The following SPAG16 variants were observed in gnomAD, a reference collection of about 807,000 sequenced individuals.
The protein encoded by SPAG16 is sperm-associated antigen 16 protein.
A neutral mutation model predicts 80.4 loss-of-function variants in SPAG16; 86 were observed. The ratio of observed to expected loss-of-function variants is 1.07; its 90% CI spans 0.90 to 1.28. The LOEUF (loss-of-function observed/expected upper bound fraction) is 1.28. Among genes scored for constraint, SPAG16 ranks in the 50% most tolerant of loss-of-function variants. The probability of loss-of-function intolerance (pLI) is 0.00; values close to 1 mark genes in which losing one functional copy is unlikely to be tolerated. For missense variants in SPAG16, 870 were observed against 765.3 expected (o/e 1.14, Z -1.61); for synonymous variants, 294 against 265.9 (o/e 1.11, Z -1.03).
At chr2:213,520,207 A>G (rs1034679125) in intron 10 of SPAG16, among the ~76,000 whole-genome samples, 46 of 152,244 alleles carry the variant, frequency 3.0e-4, no homozygotes, top group African/African-American at 1.1e-3. Context: ...GGAGAAAGTC[A>G]TGGGATGGTT....
intron 15 of SPAG16, among the ~76,000 whole-genome samples, chr2:214,291,034 G>T (rs1464459036): frequency 6.6e-6 from 1 of 152,034 alleles, no homozygotes. Flanking sequence ...ATGAATTTGG[G>T]TGATTTAGTG....
chr2:214,371,523 A>G (rs2126088788), intron 15 of SPAG16, among the ~76,000 whole-genome samples: 1 of 138,090 alleles, frequency 7.2e-6, no homozygotes, highest in South Asian at 2.2e-4. Flanking sequence ...TAAGAGCACA[A>G]ATCCTTCTCA....
intron 4 of SPAG16, 42 bp from the exon 5 acceptor site, chr2:213,317,177 A>T (rs780893797): frequency 7.5e-7 from 1 of 1,334,588 alleles, no homozygotes; most frequent in South Asian, 1.6e-5. Flanking sequence ...CCAATTTGGC[A>T]GAAAGAAATG....
At chr2:214,355,319 T>C (rs1698703756) in intron 15 of SPAG16, among the ~76,000 whole-genome samples, 1 of 15,536 alleles carries the variant, frequency 6.4e-5, no homozygotes, top group African/African-American at 1.4e-4. Context: ...TCAAACAAAT[T>C]TACAAGAAAA....
intron 12 of SPAG16, among the ~76,000 whole-genome samples, chr2:213,988,292 G>A (rs1396795169): frequency 4.6e-5 from 7 of 151,988 alleles, no homozygotes; most frequent in African/African-American, 1.4e-4. Context: ...AACAACAGTA[G>A]AATATACTTT....
At chr2:214,079,885 A>T (rs946307258) in intron 13 of SPAG16, among the ~76,000 whole-genome samples, 1 of 152,334 alleles carries the variant, frequency 6.6e-6, no homozygotes, top group East Asian at 1.9e-4. Context: ...TTATTATTTT[A>T]AGCAGCTATT....
At chr2:213,309,544 C>G (rs1405057348) in intron 3 of SPAG16, among the ~76,000 whole-genome samples, 1 of 151,408 alleles carries the variant, frequency 6.6e-6, no homozygotes, top group Non-Finnish European at 1.5e-5. Flanking sequence ...AAGGGCAAAC[C>G]TACCTTCTTA....
chr2:213,516,957 C>CCTA (rs1449554812), intron 10 of SPAG16, among the ~76,000 whole-genome samples: 3 of 152,004 alleles, frequency 2.0e-5, no homozygotes, highest in African/African-American at 7.2e-5. Flanking sequence ...CTGAGGAAGT[C>CCTA]CTAGCCAATG....
intron 15 of SPAG16, among the ~76,000 whole-genome samples, chr2:214,317,026 C>T (rs1175222964): frequency 2.6e-5 from 4 of 152,214 alleles, no homozygotes; most frequent in African/African-American, 9.6e-5. Flanking sequence ...TAATGCAACA[C>T]AAACAGTAAC....
intron 11 of SPAG16, among the ~76,000 whole-genome samples, chr2:213,897,681 A>C (rs1427021293): frequency 3.3e-5 from 5 of 152,238 alleles, no homozygotes; most frequent in African/African-American, 1.2e-4. Context: ...TGAGCTCATC[A>C]CACGCGGTGC....
At chr2:213,335,874 G>A (rs2064332426) in intron 5 of SPAG16, among the ~76,000 whole-genome samples, 1 of 151,988 alleles carries the variant, frequency 6.6e-6, no homozygotes, top group South Asian at 2.1e-4. Flanking sequence ...GTGCTGGGAG[G>A]TGGGGAGAAA....
intron 9 of SPAG16, among the ~76,000 whole-genome samples, chr2:213,400,436 A>G (rs533234160): frequency 1.3e-5 from 2 of 152,244 alleles, no homozygotes; most frequent in South Asian, 2.1e-4. Flanking sequence ...AAATTTACAT[A>G]TGCATGGGTT....
Position 213,859,173 on chromosome 2 carries a change from C to T in SPAG16, c.1071-3312C>T, listed in dbSNP as rs551764501. Among the ~76,000 whole-genome samples the T allele has an allele frequency of 1.9e-4, 11 of 56,818 alleles. No homozygotes were observed. The South Asian group carries it at 5.8e-3, about 30-fold the overall frequency. 37.3% of individuals were successfully genotyped at this position (56,818 alleles called of 152,430 possible). ...CAGTCTGGGCAACAGAGCGACACTC[C>T]GTCTCAAAAAAAAAAAAAAAAAAAA... On this transcript the variant is annotated intron_variant, in intron 10 of 15. Transcript: ENST00000331683.
At chr2:214,206,940 T>A (rs1276062737) in intron 15 of SPAG16, among the ~76,000 whole-genome samples, 1 of 152,180 alleles carries the variant, frequency 6.6e-6, no homozygotes, top group East Asian at 1.9e-4. Flanking sequence ...AAAAAATTAA[T>A]CTTAGAAAAT....
intron 14 of SPAG16, among the ~76,000 whole-genome samples, chr2:214,109,110 G>A (rs1253396507): frequency 2.6e-5 from 4 of 152,102 alleles, no homozygotes; most frequent in Admixed American, 2.0e-4. Flanking sequence ...GTTATGGGAT[G>A]ACACAGCACA....
At chr2:214,006,165 A>G (rs1392088361) in intron 12 of SPAG16, among the ~76,000 whole-genome samples, 2 of 152,286 alleles carry the variant, frequency 1.3e-5, no homozygotes, top group African/African-American at 2.4e-5. Flanking sequence ...CTGTCTTTAT[A>G]TCAATGTTTC....
intron 3 of SPAG16, among the ~76,000 whole-genome samples, chr2:213,302,225 G>C (rs569153775): frequency 1.8e-4 from 28 of 152,224 alleles, no homozygotes; most frequent in African/African-American, 6.5e-4. Context: ...CTAGTTTGTA[G>C]ATTGCTTGCT....
At chr2:214,145,691 A>G (rs952607680) in intron 14 of SPAG16, among the ~76,000 whole-genome samples, 1 of 152,138 alleles carries the variant, frequency 6.6e-6, no homozygotes, top group African/African-American at 2.4e-5. Context: ...CCCTTTGTCC[A>G]CTTGGCTAAA....
chr2:214,266,350 A>T (rs1471781880), intron 15 of SPAG16, among the ~76,000 whole-genome samples: 2 of 151,954 alleles, frequency 1.3e-5, no homozygotes, highest in African/African-American at 4.8e-5. Context: ...AATGATTTGC[A>T]TGGAAGTTTT....
Sources: gnomAD v4.1 joint callset for allele counts (sites outside exome capture counted in the v4.1 genomes callset) on GRCh38, gnomAD v4.1.1 for gene constraint, MANE v1.5 for transcripts, NCBI Gene and HGNC (gene_info 2026-07-23, HGNC 2026-07-21) for gene names.